ATRNL1: variants seen among roughly 807,000 people sequenced by gnomAD.
ATRNL1 encodes attractin-like protein 1.
Under a neutral mutation model 182.7 loss-of-function variants are expected in ATRNL1, and 95 were observed. That is an observed-to-expected ratio of 0.52 (90% confidence interval 0.44 to 0.62). ATRNL1 has a LOEUF of 0.62. Ranked by LOEUF, ATRNL1 falls within the 20% of genes least tolerant of loss-of-function variation. The pLI, the probability that ATRNL1 is intolerant of heterozygous loss-of-function variation, is 0.00. For synonymous variants in ATRNL1, 576 were observed against 568.3 expected (o/e 1.01, Z -0.19); for missense variants, 1,471 against 1,679.5 (o/e 0.88, Z 2.17).
In ATRNL1 at chr10:115,794,058, G is replaced by A. The variant is rs150971380; in HGVS notation, c.3904-53819G>A. 1.6e-3 allele frequency among the ~76,000 whole-genome samples: 246 copies of A among 152,282 alleles called. 4 individuals carry two copies. The highest frequency in any genetic ancestry group is 5.8e-3 in the African/African-American group (240 of 41,580). Reference sequence around the variant, plus strand: ...TTGGCTCTCAGCCAGTGTTGAACAAGTAGACAAGTGTGCATCAAACGGTTT... The same window carrying A: ...TTGGCTCTCAGCCAGTGTTGAACAAATAGACAAGTGTGCATCAAACGGTTT... On this transcript the variant is annotated intron_variant, in intron 27 of 28. Transcript: ENST00000355044.
In ATRNL1 at chr10:115,365,979, G is replaced by C. The variant is rs1254503936; in HGVS notation, c.3176-28680G>C. Among the ~76,000 whole-genome samples, 6 of 151,934 alleles carry C rather than the reference G, an allele frequency of 3.9e-5. No individual in the cohort carries two copies. The East Asian group carries it at 1.2e-3, about 29-fold the overall frequency. ...TTTAGAATAGGTGTGGTGTGGTGCT[G>C]AAAATGTATATTCTGTTGATTTGGG... On this transcript the variant is annotated intron_variant, in intron 19 of 28. Transcript: ENST00000355044.
chr10:115,486,691 T>C (rs1247502298), intron 24 of ATRNL1, among the ~76,000 whole-genome samples: 1 of 152,154 alleles, frequency 6.6e-6, no homozygotes, highest in Non-Finnish European at 1.5e-5. Flanking sequence ...TTCTGTAGGT[T>C]GCCTGTTCAC....
intron 26 of ATRNL1, among the ~76,000 whole-genome samples, chr10:115,634,774 T>A (rs1858754517): frequency 6.6e-6 from 1 of 152,088 alleles, no homozygotes; most frequent in African/African-American, 2.4e-5. Flanking sequence ...TCTAAAGAGG[T>A]TATAAGTCTA....
intron 19 of ATRNL1, among the ~76,000 whole-genome samples, chr10:115,371,867 G>C (rs1416796628): frequency 6.6e-6 from 1 of 152,104 alleles, no homozygotes; most frequent in African/African-American, 2.4e-5. Context: ...ATCTTGAATT[G>C]TAGCCCCCGT....
intron 26 of ATRNL1, among the ~76,000 whole-genome samples, chr10:115,683,674 G>A (rs1313347421): frequency 1.3e-5 from 2 of 149,578 alleles, no homozygotes; most frequent in African/African-American, 4.9e-5. Context: ...AAATTGTAGT[G>A]CTGGAAAATT....
At chr10:115,287,501 TG>T in intron 15 of ATRNL1, among the ~76,000 whole-genome samples, 1 of 19,606 alleles carries the variant, frequency 5.1e-5, no homozygotes, top group Admixed American at 1.0e-3. Context: ...ATATTGAAAC[TG>T]ATTGTGGAAA....
At chr10:115,403,356 A>G (rs1844669460) in intron 20 of ATRNL1, among the ~76,000 whole-genome samples, 1 of 151,366 alleles carries the variant, frequency 6.6e-6, no homozygotes, top group Admixed American at 6.6e-5. Flanking sequence ...ACAGAGGAAG[A>G]ATAATTTTCT....
intron 13 of ATRNL1, among the ~76,000 whole-genome samples, chr10:115,280,682 C>G (rs1351444018): frequency 1.3e-5 from 2 of 152,208 alleles, no homozygotes; most frequent in Admixed American, 1.3e-4. Flanking sequence ...CAGTCTTTCT[C>G]TGGTGTCTCT....
intron 26 of ATRNL1, among the ~76,000 whole-genome samples, chr10:115,627,843 T>A (rs1555025110): frequency 6.6e-6 from 1 of 152,136 alleles, no homozygotes; most frequent in Non-Finnish European, 1.5e-5. Context: ...GTTAATATGG[T>A]TGTTCTATTT....
intron 27 of ATRNL1, among the ~76,000 whole-genome samples, chr10:115,735,474 G>C (rs1947923238): frequency 6.6e-6 from 1 of 151,906 alleles, no homozygotes; most frequent in Admixed American, 6.6e-5. Context: ...CTGAAATATG[G>C]GATAGTACCA....
chr10:115,540,774 G>T lies in ATRNL1; in HGVS notation c.3717-8684G>T, dbSNP rs371372544. On this transcript the variant is annotated intron_variant, in intron 25 of 28. Coordinates refer to ENST00000355044, the MANE Select transcript of ATRNL1 (RefSeq NM_207303.4). ...CTCCGTCTAAAAAAAAAAAAAAAAG[G>T]GGGGAGGGAACAGGGCTCTAATGGA... is the stretch of plus-strand genomic sequence containing the variant. Among the ~76,000 whole-genome samples the T allele has an allele frequency of 4.2e-5, 3 of 70,754 alleles. 1 individual carries two copies. The highest frequency in any genetic ancestry group is 6.5e-4 in the South Asian group (2 of 3,068). The allele number at this position is 70,754 out of a possible 152,430, so 46.4% of individuals were successfully genotyped here. A position where few individuals can be genotyped will look rare whatever the true frequency, so the allele number is the denominator to read the frequency against.
At chr10:115,497,657 C>CT (rs547454786) in intron 24 of ATRNL1, among the ~76,000 whole-genome samples, 3 of 85,748 alleles carry the variant, frequency 3.5e-5, no homozygotes, top group South Asian at 3.2e-4. Flanking sequence ...TAAGTTTACT[C>CT]TTTTTTTTCT....
At chr10:115,589,025 A>G (rs1360736671) in intron 26 of ATRNL1, among the ~76,000 whole-genome samples, 1 of 152,192 alleles carries the variant, frequency 6.6e-6, no homozygotes, top group Admixed American at 6.5e-5. Context: ...CTGGTAATAT[A>G]TTGATCAGTA....
rs568668301 is a variant in ATRNL1 at position 115,629,654 on chromosome 10, A to ACTGT, written c.3795+80121_3795+80124dup. 1.7e-3 allele frequency among the ~76,000 whole-genome samples: 265 copies of ACTGT among 152,284 alleles called. 2 individuals carry two copies. The highest frequency in any genetic ancestry group is 6.3e-3 in the African/African-American group (260 of 41,576). On this transcript the variant is annotated intron_variant, in intron 26 of 28. Transcript: ENST00000355044. The stretch of plus-strand genomic sequence containing the variant: ...CTGCAGAGCAGAGAGTCAAGACTGA[A>ACTGT]CTGTCTTCTGATGGCATCACTGAAT...
At chr10:115,832,709 G>A (rs1485664067) in intron 27 of ATRNL1, among the ~76,000 whole-genome samples, 4 of 152,150 alleles carry the variant, frequency 2.6e-5, no homozygotes, top group African/African-American at 9.7e-5. Flanking sequence ...CTATTATTAT[G>A]TATGTCACTT....
chr10:115,443,545 C>A (rs1380925587), intron 21 of ATRNL1, among the ~76,000 whole-genome samples: 13 of 151,384 alleles, frequency 8.6e-5, no homozygotes, highest in African/African-American at 2.9e-4. Context: ...TGTTTTTAAG[C>A]CTTTTATAGC....
At chr10:115,787,829 G>C (rs992134968) in intron 27 of ATRNL1, among the ~76,000 whole-genome samples, 15 of 152,252 alleles carry the variant, frequency 9.9e-5, no homozygotes, top group African/African-American at 2.9e-4. Flanking sequence ...CTGGATTATT[G>C]GGATAGACCC....
chr10:115,387,847 CT>C (rs1323661295), intron 19 of ATRNL1, among the ~76,000 whole-genome samples: 1 of 152,078 alleles, frequency 6.6e-6, no homozygotes, highest in Non-Finnish European at 1.5e-5. Flanking sequence ...GTTGTTTCCA[CT>C]TATGGCTATT....
rs1270101581 is a variant in ATRNL1, at chr10:115,713,704, TCATCTATC to T, written c.3796-13543_3796-13536del. Among the ~76,000 whole-genome samples the T allele has an allele frequency of 3.6e-3, 175 of 48,220 alleles. 1 individual carries two copies. The highest frequency in any genetic ancestry group is 7.5e-3 in the African/African-American group (170 of 22,576). 31.6% of individuals were successfully genotyped at this position (48,220 alleles called of 152,430 possible). On this transcript the variant is annotated intron_variant, in intron 26 of 28. Transcript: ENST00000355044. Reference sequence around the variant, plus strand: ...ATCTATCTATCTATCTATCTATCTATCATCTATCTATCTATCTATCTATCTATCTATCT... The same window carrying T: ...ATCTATCTATCTATCTATCTATCTATTATCTATCTATCTATCTATCTATCT...
Sources: gnomAD v4.1 joint callset for allele counts (sites outside exome capture counted in the v4.1 genomes callset) on GRCh38, gnomAD v4.1.1 for gene constraint, MANE v1.5 for transcripts, NCBI Gene and HGNC (gene_info 2026-07-23, HGNC 2026-07-21) for gene names.